Variants in INSYN2B observed in about 807,000 individuals in gnomAD.
INSYN2B encodes the protein protein INSYN2B.
In INSYN2B, 16 loss-of-function variants were observed where a neutral mutation model predicts 41.2. The observed-to-expected ratio is 0.39, with a 90% CI of 0.26 to 0.59. The LOEUF is 0.59. INSYN2B is among the 20% of genes least tolerant of loss of function. INSYN2B has a pLI of 0.57. For synonymous variants in INSYN2B, 245 were observed against 244.4 expected (o/e 1.00, Z -0.02); for missense variants, 608 against 646.4 (o/e 0.94, Z 0.64).
intron 1 of INSYN2B, among the ~76,000 whole-genome samples, chr5:169,894,572 G>A (rs1200181131): frequency 1.3e-5 from 2 of 152,196 alleles, no homozygotes; most frequent in African/African-American, 2.4e-5. Flanking sequence ...AAGGGGGGAA[G>A]TTTATGGTCT....
At chr5:169,947,987 G>A (rs997282641) in intron 1 of INSYN2B, among the ~76,000 whole-genome samples, 1 of 152,172 alleles carries the variant, frequency 6.6e-6, no homozygotes, top group Admixed American at 6.5e-5. Flanking sequence ...GCAGGGTCAG[G>A]ATTTGTCATT....
chr5:169,955,615 A>G (rs1776833390), intron 1 of INSYN2B, among the ~76,000 whole-genome samples: 1 of 152,166 alleles, frequency 6.6e-6, no homozygotes, highest in African/African-American at 2.4e-5. Flanking sequence ...GGTTCTGAGG[A>G]CCGTGTATGA....
chr5:169,968,506 T>C (rs780424374), intron 1 of INSYN2B, among the ~76,000 whole-genome samples: 58 of 152,168 alleles, frequency 3.8e-4, no homozygotes, highest in Non-Finnish European at 5.7e-4. Flanking sequence ...GGAAGAAACA[T>C]TGGGGGGTCA....
chr5:169,954,200 G>C (rs141762166), intron 1 of INSYN2B, among the ~76,000 whole-genome samples: 3 of 152,322 alleles, frequency 2.0e-5, no homozygotes, highest in African/African-American at 7.2e-5. Context: ...TTTTAGAAGT[G>C]TTTGGCTGTG....
intron 1 of INSYN2B, among the ~76,000 whole-genome samples, chr5:169,924,266 AG>A (rs1180657861): frequency 6.6e-6 from 1 of 152,218 alleles, no homozygotes; most frequent in African/African-American, 2.4e-5. Context: ...AAATGAGGTC[AG>A]GCCAAGAGAC....
At chr5:169,874,650 G>A (rs1367027733) in intron 3 of INSYN2B, among the ~76,000 whole-genome samples, 1 of 152,080 alleles carries the variant, frequency 6.6e-6, no homozygotes, top group Non-Finnish European at 1.5e-5. Flanking sequence ...CCAGAGGGCC[G>A]TTCTTAGCGT....
At chr5:169,961,996 T>A (rs77017012) in intron 1 of INSYN2B, among the ~76,000 whole-genome samples, 2,075 of 55,126 alleles carry the variant, frequency 0.038, 3 homozygotes, top group African/African-American at 0.063. Context: ...AAAAAAAAAA[T>A]GGAGAAAAAG....
chr5:169,880,796 C>T (rs1166791934), intron 3 of INSYN2B, among the ~76,000 whole-genome samples: 1 of 152,198 alleles, frequency 6.6e-6, no homozygotes, highest in African/African-American at 2.4e-5. Flanking sequence ...CAAGTTTACA[C>T]TGTATATCAT....
In INSYN2B at chr5:169,903,311, TAA is replaced by T. The variant is rs142632030; in HGVS notation, c.-918-18497_-918-18496del. ...CTCTAAAAAACAACAACAACAACAA[TAA>T]AAAAAAAAAAAAAAAAGGAAAAGGA... On this transcript the variant is annotated intron_variant, in intron 1 of 3. Transcript: ENST00000377365. Among the ~76,000 whole-genome samples, 498 of 111,024 alleles carry T rather than the reference TAA, an allele frequency of 4.5e-3. 4 individuals are homozygous for T. The South Asian group carries it at 0.046, about 10-fold the overall frequency. 72.8% of individuals were successfully genotyped at this position (111,024 alleles called of 152,430 possible).
At chr5:169,967,458 G>A (rs1282990946) in intron 1 of INSYN2B, among the ~76,000 whole-genome samples, 1 of 152,182 alleles carries the variant, frequency 6.6e-6, no homozygotes, top group African/African-American at 2.4e-5. Context: ...AGGGGAATTA[G>A]TATAAGTTCT....
chr5:169,906,613 T>A (rs1774296463), intron 1 of INSYN2B, among the ~76,000 whole-genome samples: 1 of 152,220 alleles, frequency 6.6e-6, no homozygotes, highest in Admixed American at 6.5e-5. Flanking sequence ...GTTACGGGTA[T>A]GAGCCACCCA....
intron 3 of INSYN2B, among the ~76,000 whole-genome samples, chr5:169,878,252 T>C (rs1383616363): frequency 1.3e-5 from 2 of 152,184 alleles, no homozygotes; most frequent in Non-Finnish European, 2.9e-5. Flanking sequence ...TTTCCCAAAC[T>C]TCAATCACTC....
At chr5:169,868,018 C>T (rs550462722) in intron 3 of INSYN2B, among the ~76,000 whole-genome samples, 1 of 152,298 alleles carries the variant, frequency 6.6e-6, no homozygotes, top group African/African-American at 2.4e-5. Context: ...CCCTGCCCTC[C>T]CTACTGTGAC....
rs533709041 is a variant in INSYN2B, at chr5:169,861,313, A to C, written c.*2960T>G. On this transcript the variant is annotated 3_prime_UTR_variant, in exon 4 of 4. Coordinates refer to ENST00000377365, the MANE Select transcript of INSYN2B (RefSeq NM_001129891.3). ...TAATGGAGTCTTAAAACCTAGAAAA[A>C]ATATGTAAGTTTATTGCAAAAGATA... Among the ~76,000 whole-genome samples the C allele has an allele frequency of 6.6e-6, 1 of 152,386 alleles. No individual in the cohort carries two copies. The highest frequency in any genetic ancestry group is 2.1e-4 in the South Asian group (1 of 4,830).
intron 1 of INSYN2B, among the ~76,000 whole-genome samples, chr5:169,917,660 T>A (rs1774950192): frequency 1.3e-5 from 2 of 152,146 alleles, no homozygotes; most frequent in Non-Finnish European, 2.9e-5. Context: ...GAATCAGACA[T>A]GCATAGAAAG....
In INSYN2B at chr5:169,965,295, G is replaced by A. The variant is rs373411967; in HGVS notation, c.-919+14982C>T. The stretch of plus-strand genomic sequence containing the variant: ...CTTCAGCTGCGGGCTGGGGCTTGCA[G>A]TTCTTCATTTCTAAGAAGCTCCCAG... On this transcript the variant is annotated intron_variant, in intron 1 of 3. Coordinates refer to ENST00000377365, the MANE Select transcript of INSYN2B (RefSeq NM_001129891.3). Among the ~76,000 whole-genome samples the A allele has an allele frequency of 2.8e-4, 43 of 152,340 alleles. 1 individual carries two copies. In the South Asian group the frequency reaches 8.3e-3, roughly 29 times the overall value.
At chr5:169,967,638 TC>T (rs754488381) in intron 1 of INSYN2B, among the ~76,000 whole-genome samples, 2 of 152,158 alleles carry the variant, frequency 1.3e-5, no homozygotes, top group African/African-American at 2.4e-5. Context: ...AGATTTAGTC[TC>T]ATTTCCATTA....
At chr5:169,924,659 A>T (rs749954042) in intron 1 of INSYN2B, among the ~76,000 whole-genome samples, 1 of 152,236 alleles carries the variant, frequency 6.6e-6, no homozygotes, top group Non-Finnish European at 1.5e-5. Context: ...TCCTGCTTAA[A>T]AAATGGAGAT....
At chr5:169,914,334 C>T (rs889000799) in intron 1 of INSYN2B, among the ~76,000 whole-genome samples, 11 of 152,160 alleles carry the variant, frequency 7.2e-5, no homozygotes, top group African/African-American at 2.7e-4. Flanking sequence ...CTAAACCTTT[C>T]TTTGGTTAAT....
Sources: gnomAD v4.1 joint callset for allele counts (sites outside exome capture counted in the v4.1 genomes callset) on GRCh38, gnomAD v4.1.1 for gene constraint, MANE v1.5 for transcripts, NCBI Gene and HGNC (gene_info 2026-07-23, HGNC 2026-07-21) for gene names.